The following RASSF8 variants were observed in gnomAD, a reference collection of about 807,000 sequenced individuals.
RASSF8 encodes Ras association domain family member 8.
A neutral mutation model predicts 48.5 loss-of-function variants in RASSF8; 22 were observed. The ratio of observed to expected loss-of-function variants is 0.45; its 90% CI spans 0.32 to 0.65. The LOEUF (loss-of-function observed/expected upper bound fraction) is 0.65. RASSF8 is among the 30% of genes least tolerant of loss of function. The pLI is 0.03. For synonymous variants in RASSF8, 127 were observed against 171.5 expected (o/e 0.74, Z 2.03); for missense variants, 418 against 489.2 (o/e 0.85, Z 1.37).
rs1941157805 is a variant in RASSF8, at chr12:25,959,075, GGT to G, written c.-274_-273del. 1 of 148,820 alleles carries G rather than the reference GGT, an allele frequency of 6.7e-6. No individual in the cohort carries two copies. Among genetic ancestry groups the G allele is most frequent in the Non-Finnish European group, 1.5e-5 (1 of 66,892 alleles). 9.2% of individuals were successfully genotyped at this position (148,820 alleles called of 1,614,324 possible). A position where few individuals can be genotyped will look rare whatever the true frequency, so the allele number is the denominator to read the frequency against. ...GGCGCTGGGCGGCCGCGGAGCTCCG[GGT>G]GCCGCCGCGTCCCCAGCGCCCCGGC... On this transcript the variant is annotated 5_prime_UTR_variant, in exon 1 of 6. Transcript: ENST00000689635.
At chr12:26,049,934 G>A (rs748564240) in intron 2 of RASSF8, among the ~76,000 whole-genome samples, 5 of 152,074 alleles carry the variant, frequency 3.3e-5, no homozygotes, top group Non-Finnish European at 5.9e-5. Context: ...ACAGGTGCCC[G>A]CCACCACGCC....
chr12:26,027,500 G>A (rs1321089803), intron 2 of RASSF8, among the ~76,000 whole-genome samples: 2 of 152,164 alleles, frequency 1.3e-5, no homozygotes, highest in Non-Finnish European at 2.9e-5. Flanking sequence ...AGATGAATGG[G>A]TATTTATCTG....
chr12:26,001,512 T>C (rs1475696691), intron 2 of RASSF8, among the ~76,000 whole-genome samples: 1 of 152,232 alleles, frequency 6.6e-6, no homozygotes, highest in African/African-American at 2.4e-5. Flanking sequence ...TGTGCAAATA[T>C]GTTTTGTTTA....
chr12:25,998,838 A>T (rs1019950626), intron 2 of RASSF8, among the ~76,000 whole-genome samples: 1 of 151,968 alleles, frequency 6.6e-6, no homozygotes, highest in African/African-American at 2.4e-5. Flanking sequence ...GGGAGAGTTC[A>T]TGGCTAGTCT....
rs930866983 is a variant in RASSF8, at chr12:26,044,631, T to C, written c.-108-10605T>C. On this transcript the variant is annotated intron_variant, in intron 2 of 5. Transcript: ENST00000689635. ...TAAAGGACAGAGACCAGGCCTAAGCTCAATTCTATATGTAGAATACTGTAA... is the reference window on the plus strand; with the variant it reads ...TAAAGGACAGAGACCAGGCCTAAGCCCAATTCTATATGTAGAATACTGTAA... 3.3e-5 allele frequency among the ~76,000 whole-genome samples: 5 copies of C among 152,284 alleles called. No homozygotes were observed. The East Asian group carries it at 5.8e-4, about 18-fold the overall frequency.
At position 26,071,531 on chromosome 12, in the gene RASSF8, G is replaced by A; in HGVS notation, c.*2713G>A. 1 of 974,532 alleles carries A rather than the reference G, an allele frequency of 1.0e-6. No homozygotes were observed. The highest frequency in any genetic ancestry group is 1.2e-6 in the Non-Finnish European group (1 of 820,042). The allele number at this position is 974,532 out of a possible 1,614,324, so 60.4% of individuals were successfully genotyped here. On this transcript the variant is annotated 3_prime_UTR_variant, in exon 6 of 6. Coordinates refer to ENST00000689635, the MANE Select transcript of RASSF8 (RefSeq NM_001394098.1). ...AGCATTGGTATATTTGACCTTTTGA[G>A]TGTCTGTCATCCTCAGAGAATGGCC...
chr12:26,060,884 A>G (rs1041018120), intron 3 of RASSF8, among the ~76,000 whole-genome samples: 1 of 152,212 alleles, frequency 6.6e-6, no homozygotes, highest in Non-Finnish European at 1.5e-5. Context: ...TTAGCATTAA[A>G]TTCATAAGAG....
chr12:26,026,264 TA>T (rs1453877559), intron 2 of RASSF8, among the ~76,000 whole-genome samples: 3 of 152,162 alleles, frequency 2.0e-5, no homozygotes, highest in African/African-American at 4.8e-5. Context: ...AACTTCATCG[TA>T]AAAAAGACAA....
At chr12:25,999,114 G>C (rs1469095054) in intron 2 of RASSF8, among the ~76,000 whole-genome samples, 1 of 152,142 alleles carries the variant, frequency 6.6e-6, no homozygotes, top group Non-Finnish European at 1.5e-5. Context: ...AGTATGGTAG[G>C]TGAGTCTTCT....
intron 2 of RASSF8, among the ~76,000 whole-genome samples, chr12:26,024,599 A>T (rs1019400407): frequency 3.9e-5 from 6 of 152,226 alleles, no homozygotes; most frequent in African/African-American, 1.4e-4. Context: ...GTGTATAAAA[A>T]TGACTGTACA....
At chr12:26,045,732 T>C (rs1291703116) in intron 2 of RASSF8, among the ~76,000 whole-genome samples, 1 of 152,206 alleles carries the variant, frequency 6.6e-6, no homozygotes, top group Non-Finnish European at 1.5e-5. Context: ...GTTTCATGGA[T>C]AAAAAATAAA....
intron 3 of RASSF8, among the ~76,000 whole-genome samples, chr12:26,057,026 A>G (rs938041990): frequency 1.3e-5 from 2 of 152,154 alleles, no homozygotes; most frequent in Non-Finnish European, 2.9e-5. Flanking sequence ...TAAAAAAGAA[A>G]AAAAAAAGTA....
rs776747546 is a variant in RASSF8 at position 26,065,285 on chromosome 12, G to A, written c.891G>A (p.Lys297=). 1.2e-6 allele frequency: 2 copies of A among 1,614,114 alleles called. No individual in the cohort carries two copies. The highest frequency in any genetic ancestry group is 2.2e-5 in the South Asian group (2 of 91,080). The change falls in exon 4 of 6, where the codon AAG becomes AAA. Residue 297 remains lysine (K), a synonymous_variant. Coordinates refer to ENST00000689635, the MANE Select transcript of RASSF8 (RefSeq NM_001394098.1). ...NEEEVKGKIG[K]VKGEIDIQGQ... ...AAGAGGTTAAAGGAAAGATCGGTAA[G>A]GTCAAAGGGGAGATTGACATTCAAG...
At chr12:26,027,423 G>T (rs1942939217) in intron 2 of RASSF8, among the ~76,000 whole-genome samples, 1 of 152,208 alleles carries the variant, frequency 6.6e-6, no homozygotes, top group African/African-American at 2.4e-5. Flanking sequence ...TATGATTTAG[G>T]CAAGAAAGAC....
intron 2 of RASSF8, among the ~76,000 whole-genome samples, chr12:26,009,008 G>C (rs1399123862): frequency 3.9e-5 from 6 of 152,134 alleles, no homozygotes; most frequent in African/African-American, 1.2e-4. Context: ...GATCAGTCCA[G>C]TGTTTTTTCT....
intron 1 of RASSF8, among the ~76,000 whole-genome samples, chr12:25,990,060 C>T (rs535592591): frequency 1.6e-3 from 245 of 152,190 alleles, no homozygotes; most frequent in African/African-American, 5.8e-3. Context: ...GTGCCTGGGA[C>T]TTATTTGTTG....
At position 26,069,778 on chromosome 12, in the gene RASSF8, G is replaced by A; in HGVS notation, c.*960G>A. On this transcript the variant is annotated 3_prime_UTR_variant, in exon 6 of 6. Coordinates refer to ENST00000689635, the MANE Select transcript of RASSF8 (RefSeq NM_001394098.1). ...ACCCGCTTCATATGTATGATCTGTT[G>A]GTGTACACACCATGGGTAAGGTATT... 1 of 985,040 alleles carries A rather than the reference G, an allele frequency of 1.0e-6. No individual in the cohort carries two copies. Among genetic ancestry groups the A allele is most frequent in the Non-Finnish European group, 1.2e-6 (1 of 829,648 alleles). 61.0% of individuals were successfully genotyped at this position (985,040 alleles called of 1,614,324 possible). A position where few individuals can be genotyped will look rare whatever the true frequency, so the allele number is the denominator to read the frequency against.
chr12:26,079,185 T>C, exon 6 of RASSF8: 2 of 691,622 alleles, frequency 2.9e-6, no homozygotes, highest in South Asian at 2.2e-5. Flanking sequence ...AAAGGTGGAC[T>C]GTAGATTGGG....
chr12:26,059,164 A>G (rs1943683977), intron 3 of RASSF8, among the ~76,000 whole-genome samples: 1 of 152,220 alleles, frequency 6.6e-6, no homozygotes, highest in Non-Finnish European at 1.5e-5. Flanking sequence ...CAAAAATATG[A>G]CAAGGATGTA....
Sources: allele counts gnomAD v4.1 joint callset (sites outside exome capture counted in the v4.1 genomes callset), GRCh38; gene constraint gnomAD v4.1.1; transcripts MANE v1.5; gene names NCBI Gene and HGNC (gene_info 2026-07-23, HGNC 2026-07-21).